The following COL9A1 variants were observed in gnomAD, a reference collection of about 807,000 sequenced individuals.
The protein encoded by COL9A1 is collagen type IX alpha 1 chain.
COL9A1 carries 104 observed loss-of-function variants against 142.6 expected under a neutral mutation model. That is an observed-to-expected ratio of 0.73 (90% CI 0.62 to 0.86). The LOEUF is 0.86. Among genes scored for constraint, COL9A1 ranks in the 40% least tolerant of loss-of-function variants. The pLI, the probability that COL9A1 is intolerant of heterozygous loss-of-function variation, is 0.00. For missense variants in COL9A1, 1,210 were observed against 1,176.6 expected (o/e 1.03, Z -0.42); for synonymous variants, 466 against 396.0 (o/e 1.18, Z -2.10).
At chr6:70,227,952 A>G (rs1769337240) in intron 36 of COL9A1, among the ~76,000 whole-genome samples, 1 of 152,088 alleles carries the variant, frequency 6.6e-6, no homozygotes, top group Admixed American at 6.6e-5. Flanking sequence ...CCTTATATAG[A>G]ATTGCTTGTA....
chr6:70,231,736 T>C (rs890865976), intron 36 of COL9A1, among the ~76,000 whole-genome samples: 1 of 150,222 alleles, frequency 6.7e-6, no homozygotes, highest in Non-Finnish European at 1.5e-5. Context: ...AAAACAACCC[T>C]CTCTTGTTTC....
chr6:70,242,718 G>A lies in COL9A1; in HGVS notation c.1873-3C>T. ...GGTCCTAATTCTCCTCTACTGCCCT[G>A]TAAAAACACAAACATTGTCAATTGG... On this transcript the variant is annotated splice_polypyrimidine_tract_variant and splice_region_variant and intron_variant, in intron 28 of 37. Coordinates refer to ENST00000357250, the MANE Select transcript of COL9A1 (RefSeq NM_001851.6). 6.2e-7 allele frequency: 1 copy of A among 1,613,776 alleles called. No individual in the cohort carries two copies. Among genetic ancestry groups the A allele is most frequent in the Non-Finnish European group, 8.5e-7 (1 of 1,179,642 alleles).
rs563712742 is a variant in COL9A1, at chr6:70,263,447, C to T, written c.1342-150G>A. ...TCTTAAATTATTTATATGGGTAGTC[C>T]AAATTAATTGTAGAACATTCAGAAA... On this transcript the variant is annotated intron_variant, in intron 18 of 37. Coordinates refer to ENST00000357250, the MANE Select transcript of COL9A1 (RefSeq NM_001851.6). 112 of 601,890 alleles carry T rather than the reference C, an allele frequency of 1.9e-4. 1 individual carries two copies. In the South Asian group the frequency reaches 2.9e-3, roughly 15 times the overall value. The allele number at this position is 601,890 out of a possible 1,614,324, so 37.3% of individuals were successfully genotyped here.
intron 5 of COL9A1, among the ~76,000 whole-genome samples, chr6:70,284,659 A>G (rs77363142): frequency 6.6e-6 from 1 of 152,206 alleles, no homozygotes; most frequent in Non-Finnish European, 1.5e-5. Context: ...GGCAAAAAAA[A>G]TTAAAATGTC....
At chr6:70,272,610 C>A (rs534022310) in intron 12 of COL9A1, among the ~76,000 whole-genome samples, 1 of 152,204 alleles carries the variant, frequency 6.6e-6, no homozygotes, top group African/African-American at 2.4e-5. Flanking sequence ...ACACTGAATC[C>A]AGTAGATATT....
At chr6:70,233,265 G>C (rs2127558154) in intron 35 of COL9A1, among the ~76,000 whole-genome samples, 1 of 152,288 alleles carries the variant, frequency 6.6e-6, no homozygotes, top group Non-Finnish European at 1.5e-5. Flanking sequence ...TTAGTTTGAA[G>C]ATATTATATA....
chr6:70,252,716 A>C (rs186791522), intron 26 of COL9A1, among the ~76,000 whole-genome samples: 1 of 152,266 alleles, frequency 6.6e-6, no homozygotes, highest in East Asian at 1.9e-4. Flanking sequence ...TCCAACCAAC[A>C]TGGGGAAATA....
intron 37 of COL9A1, among the ~76,000 whole-genome samples, chr6:70,220,458 A>G (rs1468804050): frequency 6.6e-6 from 1 of 151,614 alleles, no homozygotes; most frequent in African/African-American, 2.4e-5. Context: ...TTGACCAGGA[A>G]GTAGACAGAG....
chr6:70,260,407 G>A (rs548895358), intron 20 of COL9A1, among the ~76,000 whole-genome samples: 2 of 152,166 alleles, frequency 1.3e-5, no homozygotes, highest in South Asian at 4.2e-4. Context: ...GCCGGGCGTG[G>A]TGGCAGGCGC....
chr6:70,297,067 G>A (rs1773873089), intron 4 of COL9A1, among the ~76,000 whole-genome samples: 1 of 152,050 alleles, frequency 6.6e-6, no homozygotes, highest in East Asian at 1.9e-4. Context: ...AATACAACCT[G>A]AAGTTAACTG....
intron 20 of COL9A1, among the ~76,000 whole-genome samples, chr6:70,259,725 T>C (rs1486130581): frequency 6.6e-6 from 1 of 152,134 alleles, no homozygotes; most frequent in Non-Finnish European, 1.5e-5. Context: ...TTTGCTTGCA[T>C]TGTAGTTAAC....
chr6:70,283,266 G>C, intron 6 of COL9A1: 1 of 1,428,204 alleles, frequency 7.0e-7, no homozygotes, highest in Non-Finnish European at 9.1e-7. Flanking sequence ...GAGAGCTAGG[G>C]GGCAGGGGAG....
rs1770293261 is a variant in COL9A1, at chr6:70,242,034, C to A, written c.1928G>T (p.Gly643Val). Residue 643 changes from glycine (G) to valine (V), a missense_variant and splice_region_variant, in exon 30 of 38, where the codon GGT becomes GTT. Physicochemically the swap from Gly to Val is moderately radical, Grantham distance 109. Coordinates refer to ENST00000357250, the MANE Select transcript of COL9A1 (RefSeq NM_001851.6). ...AGGGAGGCCAGGGCTACCCAGAGAA[C>A]CCTGGAAAGCAAAAACAAAGTCCCC... ...VGSPGLPGKL[G>V]SLGSPGLPGL... is the part of the protein sequence containing the mutation. 6 of 1,590,562 alleles carry A rather than the reference C, an allele frequency of 3.8e-6. No individual in the cohort carries two copies. Among genetic ancestry groups the A allele is most frequent in the Admixed American group, 1.7e-5 (1 of 58,280 alleles).
At chr6:70,251,023 C>T (rs80090860) in intron 28 of COL9A1, among the ~76,000 whole-genome samples, 7,217 of 152,210 alleles carry the variant, frequency 0.047, 357 homozygotes, top group East Asian at 0.14. Context: ...ACACAAAAAC[C>T]TGTATACGAA....
chr6:70,228,277 C>T (rs1417432884), intron 36 of COL9A1, among the ~76,000 whole-genome samples: 1 of 152,066 alleles, frequency 6.6e-6, no homozygotes, highest in Non-Finnish European at 1.5e-5. Flanking sequence ...TTAGCAGCCA[C>T]AGAACAAAGT....
chr6:70,290,265 C>T (rs1773607868), intron 5 of COL9A1, among the ~76,000 whole-genome samples: 1 of 152,048 alleles, frequency 6.6e-6, no homozygotes, highest in Admixed American at 6.6e-5. Context: ...TGACAACAAA[C>T]AATAAAGAAT....
At chr6:70,248,746 T>C (rs150176474) in intron 28 of COL9A1, among the ~76,000 whole-genome samples, 9 of 152,232 alleles carry the variant, frequency 5.9e-5, no homozygotes, top group Non-Finnish European at 1.2e-4. Flanking sequence ...TCAAGAAATA[T>C]TGATTGAGTG....
chr6:70,235,312 G>T (rs1398793391), intron 33 of COL9A1, among the ~76,000 whole-genome samples: 1 of 152,026 alleles, frequency 6.6e-6, no homozygotes, highest in African/African-American at 2.4e-5. Flanking sequence ...AATTAGCCAG[G>T]CATGGTGGTG....
chr6:70,269,292 T>C (rs1017091698), intron 16 of COL9A1, among the ~76,000 whole-genome samples: 7 of 152,212 alleles, frequency 4.6e-5, no homozygotes, highest in African/African-American at 1.7e-4. Flanking sequence ...TTAGTGTACA[T>C]TACCACCATC....
Sources: allele counts gnomAD v4.1 joint callset (sites outside exome capture counted in the v4.1 genomes callset), GRCh38; gene constraint gnomAD v4.1.1; transcripts MANE v1.5; gene names NCBI Gene and HGNC (gene_info 2026-07-23, HGNC 2026-07-21).